SDK1: variants seen among roughly 807,000 people sequenced by gnomAD.
SDK1 encodes protein sidekick-1.
SDK1 carries 157 observed loss-of-function variants against 245.5 expected under a neutral mutation model. The observed-to-expected ratio is 0.64, with a 90% CI of 0.56 to 0.73. The LOEUF is 0.73. Among genes scored for constraint, SDK1 ranks in the 30% least tolerant of loss-of-function variants. SDK1 has a pLI of 0.00. For synonymous variants in SDK1, 1,647 were observed against 1,278.5 expected (o/e 1.29, Z -6.15); for missense variants, 3,583 against 3,002.3 (o/e 1.19, Z -4.52).
chr7:4,265,074 G>A lies in SDK1; in HGVS notation c.6382-50G>A, dbSNP rs200436290. The A allele has an allele frequency of 2.5e-4, 377 of 1,512,026 alleles. 4 individuals are homozygous for A. In the East Asian group the frequency reaches 7.5e-3, roughly 30 times the overall value. 93.7% of individuals were successfully genotyped at this position (1,512,026 alleles called of 1,614,324 possible). A position where few individuals can be genotyped will look rare whatever the true frequency, so the allele number is the denominator to read the frequency against. On this transcript the variant is annotated intron_variant, in intron 44 of 44. Transcript: ENST00000404826. The stretch of plus-strand genomic sequence containing the variant: ...CCAGGCCTCCTGCCCAGCACGCTCC[G>A]GGCCCTGCGCCCTGCCCTGCACTCA...
intron 28 of SDK1, among the ~76,000 whole-genome samples, chr7:4,133,236 G>C (rs1220846099): frequency 1.3e-5 from 2 of 152,184 alleles, no homozygotes; most frequent in African/African-American, 4.8e-5. Flanking sequence ...ACCAACTCTG[G>C]TAACACAGAT....
chr7:4,074,507 A>T (rs1468506302), intron 20 of SDK1, among the ~76,000 whole-genome samples: 7 of 152,108 alleles, frequency 4.6e-5, no homozygotes, highest in Non-Finnish European at 1.0e-4. Context: ...TGAATGGGGC[A>T]GGCTAGATGT....
At chr7:3,448,032 C>G (rs1780397372) in intron 1 of SDK1, among the ~76,000 whole-genome samples, 1 of 152,062 alleles carries the variant, frequency 6.6e-6, no homozygotes, top group Non-Finnish European at 1.5e-5. Flanking sequence ...CACAACAATG[C>G]TTTGATTTCC....
At position 3,962,810 on chromosome 7, in the gene SDK1, A is replaced by C; in HGVS notation, c.1388A>C (p.Glu463Ala). 2 of 1,613,572 alleles carry C rather than the reference A, an allele frequency of 1.2e-6. No homozygotes were observed. The highest frequency in any genetic ancestry group is 1.7e-6 in the Non-Finnish European group (2 of 1,179,846). ...ATCTTCCAGTGCTTCGCCAGCAATG[A>C]AGGAGGGGAGATCCAGACCCACACC... is the stretch of plus-strand genomic sequence containing the variant. ...SGIFQCFASN[E>A]GGEIQTHTYL... The change falls in exon 9 of 45, where the codon GAA (glutamate) becomes GCA (alanine). Residue 463 changes from glutamate (E) to alanine (A), a missense_variant. By Grantham distance (107) the Glu-to-Ala change is moderately radical. Transcript: ENST00000404826.
At chr7:3,373,978 C>T (rs1442317589) in intron 1 of SDK1, among the ~76,000 whole-genome samples, 6 of 152,148 alleles carry the variant, frequency 3.9e-5, no homozygotes, top group African/African-American at 1.4e-4. Context: ...AACATGAAGT[C>T]ATACTTTGTT....
chr7:4,081,371 C>T (rs935471851), intron 22 of SDK1, among the ~76,000 whole-genome samples: 8 of 152,180 alleles, frequency 5.3e-5, no homozygotes, highest in African/African-American at 1.2e-4. Flanking sequence ...GGACCCTCAC[C>T]ACAGTTTCTT....
chr7:3,478,821 T>G (rs1424118220), intron 1 of SDK1, among the ~76,000 whole-genome samples: 1 of 152,196 alleles, frequency 6.6e-6, no homozygotes, highest in Non-Finnish European at 1.5e-5. Context: ...TTTTATCATT[T>G]GAACATTTAA....
At chr7:3,647,679 C>G (rs1782892864) in intron 4 of SDK1, among the ~76,000 whole-genome samples, 1 of 152,170 alleles carries the variant, frequency 6.6e-6, no homozygotes, top group African/African-American at 2.4e-5. Flanking sequence ...ATCCACCCGC[C>G]TCTGCCTCCC....
chr7:4,079,359 G>C, intron 21 of SDK1, 104 bp from the exon 22 acceptor site: 1 of 1,357,918 alleles, frequency 7.4e-7, no homozygotes, highest in Non-Finnish European at 1.0e-6. Flanking sequence ...TTTTGGTATA[G>C]AATCGTTTTG....
chr7:3,523,689 A>T (rs141020507), intron 1 of SDK1, among the ~76,000 whole-genome samples: 500 of 152,304 alleles, frequency 3.3e-3, no homozygotes, highest in African/African-American at 0.012. Context: ...TGGGACTCCC[A>T]GCCTCCCAGA....
intron 44 of SDK1, among the ~76,000 whole-genome samples, chr7:4,264,097 A>G (rs1331561190): frequency 1.4e-5 from 1 of 70,708 alleles, no homozygotes; most frequent in Non-Finnish European, 2.7e-5. Context: ...TGAGTGGGGG[A>G]GGCCGCGTAG....
intron 1 of SDK1, among the ~76,000 whole-genome samples, chr7:3,525,572 T>C (rs1375789140): frequency 5.9e-5 from 9 of 152,152 alleles, no homozygotes; most frequent in Non-Finnish European, 1.2e-4. Flanking sequence ...AACATCCTTC[T>C]GATTGCAAAG....
chr7:4,218,605 G>T (rs749001918), intron 38 of SDK1, among the ~76,000 whole-genome samples: 1 of 152,206 alleles, frequency 6.6e-6, no homozygotes, highest in Non-Finnish European at 1.5e-5. Context: ...AAGTGGAGAT[G>T]ACTGGGGTAT....
chr7:3,907,177 C>T (rs759533805), intron 5 of SDK1, among the ~76,000 whole-genome samples: 1 of 152,228 alleles, frequency 6.6e-6, no homozygotes, highest in East Asian at 1.9e-4. Flanking sequence ...TTTAGCCATG[C>T]AACTTAGTAG....
intron 1 of SDK1, among the ~76,000 whole-genome samples, chr7:3,613,434 T>G (rs1239975163): frequency 6.6e-6 from 1 of 152,154 alleles, no homozygotes; most frequent in Non-Finnish European, 1.5e-5. Flanking sequence ...GTGTAAGCCT[T>G]CCTTTTTCTC....
intron 1 of SDK1, among the ~76,000 whole-genome samples, chr7:3,371,010 A>G (rs1781213846): frequency 6.6e-6 from 1 of 152,148 alleles, no homozygotes; most frequent in South Asian, 2.1e-4. Context: ...CTGACTGCAA[A>G]TCACTTAAAA....
intron 4 of SDK1, among the ~76,000 whole-genome samples, chr7:3,649,665 G>C (rs187813427): frequency 1.3e-5 from 2 of 152,256 alleles, no homozygotes; most frequent in Admixed American, 6.5e-5. Flanking sequence ...CTTCACGGCA[G>C]CCCAGCGGTT....
intron 4 of SDK1, among the ~76,000 whole-genome samples, chr7:3,680,288 G>C (rs1270486190): frequency 6.6e-6 from 1 of 152,192 alleles, no homozygotes; most frequent in African/African-American, 2.4e-5. Context: ...CAGGGAGTTA[G>C]AGACGTAGGA....
intron 1 of SDK1, among the ~76,000 whole-genome samples, chr7:3,361,263 T>G (rs1780944537): frequency 6.6e-6 from 1 of 152,238 alleles, no homozygotes; most frequent in Non-Finnish European, 1.5e-5. Flanking sequence ...ACCGTGTCCC[T>G]TAAAAAATTC....
Sources: allele counts gnomAD v4.1 joint callset (sites outside exome capture counted in the v4.1 genomes callset), GRCh38; gene constraint gnomAD v4.1.1; transcripts MANE v1.5; gene names NCBI Gene and HGNC (gene_info 2026-07-23, HGNC 2026-07-21).